BCR: variants seen among roughly 807,000 people sequenced by gnomAD.
The protein encoded by BCR is BCR activator of RhoGEF and GTPase, also known as breakpoint cluster region protein.
BCR carries 58 observed loss-of-function variants against 138.6 expected under a neutral mutation model. That is an observed-to-expected ratio of 0.42 (90% CI 0.34 to 0.52). BCR has a LOEUF of 0.52. Among genes scored for constraint, BCR ranks in the 20% least tolerant of loss-of-function variants. The pLI is 0.06. For missense variants in BCR, 1,599 were observed against 1,727.2 expected (o/e 0.93, Z 1.32); for synonymous variants, 786 against 730.1 (o/e 1.08, Z -1.23).
At chr22:23,289,284 G>A (rs1031749938) in intron 12 of BCR, among the ~76,000 whole-genome samples, 4 of 152,198 alleles carry the variant, frequency 2.6e-5, no homozygotes, top group African/African-American at 7.2e-5. Flanking sequence ...GTGTGTGTTT[G>A]TAAGTCTCAT....
chr22:23,278,170 C>T (rs1319797745), intron 8 of BCR, among the ~76,000 whole-genome samples: 1 of 152,234 alleles, frequency 6.6e-6, no homozygotes, highest in Non-Finnish European at 1.5e-5. Flanking sequence ...GCTCAGCACC[C>T]CCTCCGCCTG....
chr22:23,184,032 C>T (rs2072306136), intron 1 of BCR, among the ~76,000 whole-genome samples: 1 of 152,230 alleles, frequency 6.6e-6, no homozygotes, highest in South Asian at 2.1e-4. Context: ...CGAATGTCCT[C>T]AAGGTCCCAC....
At chr22:23,186,046 C>T (rs1269622735) in intron 1 of BCR, among the ~76,000 whole-genome samples, 1 of 152,140 alleles carries the variant, frequency 6.6e-6, no homozygotes, top group African/African-American at 2.4e-5. Context: ...GTGGTTCTTG[C>T]GATCTGGGAA....
intron 8 of BCR, among the ~76,000 whole-genome samples, chr22:23,282,730 G>T (rs557178000): frequency 1.3e-5 from 2 of 152,346 alleles, no homozygotes; most frequent in African/African-American, 4.8e-5. Context: ...CCGCCTGCGG[G>T]GAGACACTGG....
At chr22:23,262,612 C>T (rs1429585309) in intron 4 of BCR, among the ~76,000 whole-genome samples, 1 of 152,132 alleles carries the variant, frequency 6.6e-6, no homozygotes, top group Non-Finnish European at 1.5e-5. Flanking sequence ...AGGGTGGTGG[C>T]TCGGGCTGGG....
At chr22:23,288,050 G>T in intron 11 of BCR, 47 bp from the exon 12 acceptor site, 1 of 1,583,812 alleles carries the variant, frequency 6.3e-7, no homozygotes, top group South Asian at 1.1e-5. Flanking sequence ...AGGCATTTGC[G>T]TAGCCAGGGC....
chr22:23,262,851 G>A, intron 4 of BCR: 3 of 1,043,622 alleles, frequency 2.9e-6, no homozygotes, highest in Non-Finnish European at 2.3e-6. Context: ...CGGAAGGGAA[G>A]CCCGGGCCGC....
chr22:23,256,403 G>A (rs985911911), intron 2 of BCR, among the ~76,000 whole-genome samples: 2 of 152,054 alleles, frequency 1.3e-5, no homozygotes, highest in African/African-American at 4.8e-5. Flanking sequence ...GGTGCTGTGG[G>A]AAGGATTCAC....
chr22:23,273,610 C>T, intron 7 of BCR, 24 bp from the exon 8 acceptor site: 1 of 1,612,782 alleles, frequency 6.2e-7, no homozygotes, highest in Non-Finnish European at 8.5e-7. Flanking sequence ...CTGTGTCTAA[C>T]TCAAGTCTTT....
chr22:23,221,395 C>G (rs1005918730), intron 1 of BCR, among the ~76,000 whole-genome samples: 1 of 152,232 alleles, frequency 6.6e-6, no homozygotes, highest in East Asian at 1.9e-4. Flanking sequence ...CCCTCCTTCA[C>G]CCTGTTCCCC....
intron 16 of BCR, among the ~76,000 whole-genome samples, chr22:23,299,694 TTATATA>T (rs10532946): frequency 1.4e-5 from 2 of 145,872 alleles, no homozygotes; most frequent in African/African-American, 5.0e-5. Context: ...GATCTAGAGT[TTATATA>T]TATATATATA....
intron 2 of BCR, among the ~76,000 whole-genome samples, chr22:23,255,594 C>T (rs924485179): frequency 1.3e-5 from 2 of 152,206 alleles, no homozygotes; most frequent in African/African-American, 4.8e-5. Context: ...GGGCTATCTG[C>T]ACCCAGCCAG....
chr22:23,311,400 C>A (rs1252870488), intron 18 of BCR, among the ~76,000 whole-genome samples: 1 of 151,618 alleles, frequency 6.6e-6, no homozygotes, highest in Non-Finnish European at 1.5e-5. Flanking sequence ...TGGAATCTGT[C>A]AGATGCCCTT....
chr22:23,314,529 C>G (rs1388778883), intron 21 of BCR, 23 bp from the exon 22 acceptor site: 3 of 1,611,800 alleles, frequency 1.9e-6, no homozygotes, highest in Non-Finnish European at 2.5e-6. Flanking sequence ...TGAAACAGCA[C>G]CCGCTGCTTT....
chr22:23,284,906 G>T, intron 9 of BCR, 127 bp from the exon 10 acceptor site: 1 of 1,027,464 alleles, frequency 9.7e-7, no homozygotes, highest in Non-Finnish European at 1.4e-6. Context: ...CATGGAACAC[G>T]TGCTGGGTTT....
At chr22:23,271,869 A>ATT (rs34060185) in intron 6 of BCR, among the ~76,000 whole-genome samples, 60 of 147,962 alleles carry the variant, frequency 4.1e-4, no homozygotes, top group Admixed American at 6.1e-4. Flanking sequence ...CATAAGGAGG[A>ATT]TTTTTTTTTT....
Position 23,188,466 on chromosome 22 carries a change from A to G in BCR, c.1279+6227A>G, listed in dbSNP as rs989977548. On this transcript the variant is annotated intron_variant, in intron 1 of 22. Transcript: ENST00000305877. ...GGGAGGGCTTGTGTTTGTGACTGCTAACCTCACCAGGACAAAGAGCCCAGG... is the reference window on the plus strand; with the variant it reads ...GGGAGGGCTTGTGTTTGTGACTGCTGACCTCACCAGGACAAAGAGCCCAGG... Among the ~76,000 whole-genome samples the G allele has an allele frequency of 5.9e-5, 9 of 152,296 alleles. No homozygotes were observed. In the South Asian group the frequency reaches 8.3e-4, roughly 14 times the overall value.
chr22:23,295,451 A>C (rs113859223), intron 16 of BCR, among the ~76,000 whole-genome samples: 2,216 of 152,278 alleles, frequency 0.015, 28 homozygotes, highest in Admixed American at 0.023. Context: ...AGGAGAACCC[A>C]AGGTGGAACA....
chr22:23,263,881 C>T, intron 4 of BCR: 1 of 953,368 alleles, frequency 1.0e-6, no homozygotes, highest in Non-Finnish European at 1.7e-6. Context: ...GCTATCAGGC[C>T]ATTACTCAGC....
Sources: gnomAD v4.1 joint callset for allele counts (sites outside exome capture counted in the v4.1 genomes callset) on GRCh38, gnomAD v4.1.1 for gene constraint, MANE v1.5 for transcripts, NCBI Gene and HGNC (gene_info 2026-07-23, HGNC 2026-07-21) for gene names.